MRTFB: variants seen among roughly 807,000 people sequenced by gnomAD.
The protein encoded by MRTFB is myocardin-related transcription factor B.
A neutral mutation model predicts 104.2 loss-of-function variants in MRTFB; 29 were observed. The observed-to-expected ratio is 0.28, with a 90% CI of 0.21 to 0.38. MRTFB has a LOEUF of 0.38. Ranked by LOEUF, MRTFB falls within the 10% of genes least tolerant of loss-of-function variation. MRTFB has a pLI of 1.00. For synonymous variants in MRTFB, 535 were observed against 519.5 expected, an observed-to-expected ratio of 1.03 and a Z score of -0.41; for missense variants, 1,270 against 1,341.6, an observed-to-expected ratio of 0.95 and a Z score of 0.83.
chr16:14,224,191 C>A (rs1209896228), intron 8 of MRTFB, among the ~76,000 whole-genome samples: 1 of 152,150 alleles, frequency 6.6e-6, no homozygotes, highest in Non-Finnish European at 1.5e-5. Flanking sequence ...AAGTCTGCCC[C>A]CATGATTCCC....
the MRTFB span, among the ~76,000 whole-genome samples, chr16:14,050,857 C>T: frequency 2.0e-5 from 3 of 152,178 alleles, no homozygotes; most frequent in African/African-American, 7.2e-5. Flanking sequence ...GACTCGCCAC[C>T]TCCACCCACA....
At chr16:14,088,831 A>G (rs1420065861) in intron 2 of MRTFB, among the ~76,000 whole-genome samples, 1 of 152,184 alleles carries the variant, frequency 6.6e-6, no homozygotes, top group Non-Finnish European at 1.5e-5. Context: ...AAGGACTTTG[A>G]CTTATTAAAT....
chr16:14,078,896 G>A (rs2034230366), intron 1 of MRTFB, among the ~76,000 whole-genome samples: 1 of 152,078 alleles, frequency 6.6e-6, no homozygotes, highest in Admixed American at 6.6e-5. Flanking sequence ...ATCCTCAGCA[G>A]TGCTAAGAAT....
At chr16:14,102,536 T>C (rs1399347361) in intron 2 of MRTFB, among the ~76,000 whole-genome samples, 1 of 152,228 alleles carries the variant, frequency 6.6e-6, no homozygotes, top group Non-Finnish European at 1.5e-5. Flanking sequence ...TAAGAAGATA[T>C]TTACTTTAGA....
intron 3 of MRTFB, chr16:14,152,799 C>T (rs558793248): frequency 6.6e-6 from 1 of 152,190 alleles, no homozygotes; most frequent in African/African-American, 2.4e-5. Context: ...TGGTTTGTTT[C>T]CTTCTTCGTG....
intron 2 of MRTFB, among the ~76,000 whole-genome samples, chr16:14,086,181 A>G (rs889357004): frequency 1.3e-5 from 2 of 152,216 alleles, no homozygotes; most frequent in Non-Finnish European, 2.9e-5. Flanking sequence ...AGAAGAATGT[A>G]TAATAAATCT....
In MRTFB at chr16:14,207,901, A is replaced by G. The variant is rs997202380; in HGVS notation, c.155-2342A>G. Reference sequence around the variant, plus strand: ...GAAGTCTGAGTGGCTTGGCCTAACAATTGGCATCTGAAGTGAGGGCAGTCT... The same window carrying G: ...GAAGTCTGAGTGGCTTGGCCTAACAGTTGGCATCTGAAGTGAGGGCAGTCT... On this transcript the variant is annotated intron_variant, in intron 3 of 16. Coordinates refer to ENST00000571589, the MANE Select transcript of MRTFB (RefSeq NM_001308142.2). Among the ~76,000 whole-genome samples the G allele has an allele frequency of 9.2e-5, 14 of 152,154 alleles. No individual in the cohort carries two copies. In the East Asian group the frequency reaches 9.6e-4, roughly 10 times the overall value.
intron 3 of MRTFB, among the ~76,000 whole-genome samples, chr16:14,163,217 T>G (rs1285849466): frequency 6.6e-6 from 1 of 152,202 alleles, no homozygotes; most frequent in Non-Finnish European, 1.5e-5. Flanking sequence ...ATATTAGTTT[T>G]TTTTATATTT....
intron 3 of MRTFB, among the ~76,000 whole-genome samples, chr16:14,159,904 T>C (rs1400677540): frequency 8.4e-6 from 1 of 118,676 alleles, no homozygotes; most frequent in African/African-American, 3.3e-5. Context: ...CACTCCAGCC[T>C]GGGCGACAGA....
chr16:14,187,837 A>G (rs1020097794), intron 3 of MRTFB, among the ~76,000 whole-genome samples: 5 of 152,222 alleles, frequency 3.3e-5, no homozygotes, highest in Admixed American at 1.3e-4. Flanking sequence ...ACTCTTCTCA[A>G]TGCTTGTTTA....
chr16:14,104,730 A>G (rs1310253998), intron 2 of MRTFB, among the ~76,000 whole-genome samples: 1 of 152,252 alleles, frequency 6.6e-6, no homozygotes, highest in African/African-American at 2.4e-5. Context: ...TAAATTTTAT[A>G]TGAAATCTTT....
chr16:14,118,602 G>A (rs1382160722), intron 2 of MRTFB, among the ~76,000 whole-genome samples: 3 of 151,630 alleles, frequency 2.0e-5, no homozygotes, highest in African/African-American at 4.8e-5. Context: ...AAGAGTTCGA[G>A]ACCGGTCTGG....
At chr16:14,257,126 T>G (rs2043528817) in intron 15 of MRTFB, among the ~76,000 whole-genome samples, 1 of 152,196 alleles carries the variant, frequency 6.6e-6, no homozygotes, top group Non-Finnish European at 1.5e-5. Context: ...CTAGAAATCT[T>G]ATACCATATA....
chr16:14,077,338 C>A (rs753278101), intron 1 of MRTFB, among the ~76,000 whole-genome samples: 2 of 152,024 alleles, frequency 1.3e-5, no homozygotes, highest in Non-Finnish European at 2.9e-5. Context: ...TTATCTTTAC[C>A]GATTTGTTTC....
chr16:14,102,758 A>C (rs2035766989), intron 2 of MRTFB, among the ~76,000 whole-genome samples: 1 of 152,222 alleles, frequency 6.6e-6, no homozygotes, highest in South Asian at 2.1e-4. Flanking sequence ...AGTATGTTAA[A>C]ACATGGTATT....
intron 3 of MRTFB, among the ~76,000 whole-genome samples, chr16:14,184,181 G>A (rs1032306277): frequency 2.0e-5 from 3 of 150,584 alleles, no homozygotes; most frequent in Non-Finnish European, 2.9e-5. Context: ...TGGAATCCTG[G>A]CCACCACTTA....
intron 2 of MRTFB, among the ~76,000 whole-genome samples, chr16:14,116,440 C>G (rs937608394): frequency 6.6e-6 from 1 of 152,188 alleles, no homozygotes; most frequent in African/African-American, 2.4e-5. Context: ...GAGCAAGCAT[C>G]TCAACCTTAG....
rs1289529614 is a variant in MRTFB, at chr16:14,191,583, C to CA, written c.155-18660_155-18659insA. 5.3e-5 allele frequency among the ~76,000 whole-genome samples: 8 copies of CA among 152,164 alleles called. 1 individual carries two copies. Among genetic ancestry groups the CA allele is most frequent in the Admixed American group, 3.9e-4 (6 of 15,276 alleles). Reference sequence around the variant, plus strand: ...CTGGCCTGTTTGTCCCCCTCATCCCCCAATACCCTGCATCTCATAGACACA... The same window carrying CA: ...CTGGCCTGTTTGTCCCCCTCATCCCCACAATACCCTGCATCTCATAGACACA... On this transcript the variant is annotated intron_variant, in intron 3 of 16. Coordinates refer to ENST00000571589, the MANE Select transcript of MRTFB (RefSeq NM_001308142.2).
intron 2 of MRTFB, among the ~76,000 whole-genome samples, chr16:14,100,065 T>C: frequency 6.6e-6 from 1 of 152,250 alleles, no homozygotes; most frequent in East Asian, 1.9e-4. Context: ...TACTTCTTCC[T>C]TTCTAATCTG....
Sources: gnomAD v4.1 joint callset for allele counts (sites outside exome capture counted in the v4.1 genomes callset) on GRCh38, gnomAD v4.1.1 for gene constraint, MANE v1.5 for transcripts, NCBI Gene and HGNC (gene_info 2026-07-23, HGNC 2026-07-21) for gene names.